The following PDZRN3 variants were observed in gnomAD, a reference collection of about 807,000 sequenced individuals.
The protein encoded by PDZRN3 is E3 ubiquitin-protein ligase PDZRN3.
In PDZRN3, 38 loss-of-function variants were observed where a neutral mutation model predicts 85.7. That is an observed-to-expected ratio of 0.44 (90% CI 0.34 to 0.58). The LOEUF (loss-of-function observed/expected upper bound fraction) is 0.58, where lower values mean the gene tolerates loss of function less well. PDZRN3 is among the 20% of genes least tolerant of loss of function. The probability of loss-of-function intolerance (pLI) is 0.01; values close to 1 mark genes in which losing one functional copy is unlikely to be tolerated. For synonymous variants in PDZRN3, 759 were observed against 638.0 expected, an observed-to-expected ratio of 1.19 and a Z score of -2.86; for missense variants, 1,629 against 1,506.4, an observed-to-expected ratio of 1.08 and a Z score of -1.35.
At chr3:73,550,722 T>C (rs1204490714) in intron 3 of PDZRN3, among the ~76,000 whole-genome samples, 1 of 152,220 alleles carries the variant, frequency 6.6e-6, no homozygotes, top group East Asian at 1.9e-4. Context: ...CCTGGTCTAA[T>C]ATCAGGTTTG....
chr3:73,496,638 A>G (rs1162050496), intron 3 of PDZRN3, among the ~76,000 whole-genome samples: 1 of 152,166 alleles, frequency 6.6e-6, no homozygotes, highest in African/African-American at 2.4e-5. Flanking sequence ...CTTTAATTTC[A>G]TCTAACATCC....
At chr3:73,549,894 T>C (rs889517196) in intron 3 of PDZRN3, among the ~76,000 whole-genome samples, 19 of 152,230 alleles carry the variant, frequency 1.2e-4, no homozygotes, top group African/African-American at 4.6e-4. Context: ...AACAATTCTA[T>C]AGATCCTTGT....
Position 73,384,745 on chromosome 3 carries a change from GGT to G in PDZRN3, c.1819_1820del (p.Thr607LeufsTer61). ...CGCTGCCCAAGGTGTCCTGGCTGCAGGTGAGCTTCCTCTGCCCCGCCAGCGGG... is the reference window on the plus strand; with the variant it reads ...CGCTGCCCAAGGTGTCCTGGCTGCAGGAGCTTCCTCTGCCCCGCCAGCGGG... ...SNPLAGQRKL[T>X]CSQDTLGSGD... On this transcript the variant is annotated frameshift_variant, in exon 10 of 10. Transcript: ENST00000263666. LOFTEE classifies it high-confidence loss of function. The G allele has an allele frequency of 3.1e-6, 5 of 1,614,002 alleles. No homozygotes were observed. Among genetic ancestry groups the G allele is most frequent in the Non-Finnish European group, 4.2e-6 (5 of 1,180,046 alleles).
chr3:73,558,759 G>A (rs778466925), intron 3 of PDZRN3, among the ~76,000 whole-genome samples: 5 of 152,224 alleles, frequency 3.3e-5, no homozygotes, highest in Non-Finnish European at 7.3e-5. Flanking sequence ...ACGAAGAACT[G>A]TAATTAACTA....
intron 3 of PDZRN3, among the ~76,000 whole-genome samples, chr3:73,522,573 GT>G (rs1008236533): frequency 3.9e-5 from 6 of 152,286 alleles, no homozygotes; most frequent in Admixed American, 3.3e-4. Flanking sequence ...AATACAGTGA[GT>G]TTTTACCTCT....
chr3:73,600,521 A>G (rs1204507133), intron 3 of PDZRN3, among the ~76,000 whole-genome samples: 1 of 152,170 alleles, frequency 6.6e-6, no homozygotes, highest in African/African-American at 2.4e-5. Flanking sequence ...AATTATACAT[A>G]TATCGTTTCT....
intron 5 of PDZRN3, among the ~76,000 whole-genome samples, chr3:73,397,090 GTGGCACAATCT>G (rs1701654596): frequency 6.6e-6 from 1 of 150,994 alleles, no homozygotes; most frequent in South Asian, 2.1e-4. Flanking sequence ...CTGGAGTGCG[GTGGCACAATCT>G]TGGCTCAATG....
At chr3:73,556,527 CG>C (rs1340051990) in intron 3 of PDZRN3, among the ~76,000 whole-genome samples, 6 of 152,018 alleles carry the variant, frequency 3.9e-5, no homozygotes, top group African/African-American at 1.4e-4. Context: ...TGAATTTTTA[CG>C]GTGGACTTTA....
chr3:73,500,214 A>G (rs1164885149), intron 3 of PDZRN3, among the ~76,000 whole-genome samples: 2 of 152,040 alleles, frequency 1.3e-5, no homozygotes, highest in African/African-American at 4.8e-5. Flanking sequence ...ACAGCTGGCT[A>G]ATTTTTAAAT....
Position 73,449,072 on chromosome 3 carries a change from G to A in PDZRN3, c.919-44677C>T, listed in dbSNP as rs989786372. Among the ~76,000 whole-genome samples the A allele has an allele frequency of 2.0e-5, 3 of 152,148 alleles. No homozygotes were observed. The East Asian group carries it at 5.8e-4, about 29-fold the overall frequency. On this transcript the variant is annotated intron_variant, in intron 3 of 9. Transcript: ENST00000263666. ...CTGGTCTTTGCAGAGAAAGGGGGAAGAAATCACAGATAATTAAAGCATAAA... is the reference window on the plus strand; with the variant it reads ...CTGGTCTTTGCAGAGAAAGGGGGAAAAAATCACAGATAATTAAAGCATAAA...
chr3:73,430,072 G>C (rs1702400552), intron 3 of PDZRN3, among the ~76,000 whole-genome samples: 1 of 152,178 alleles, frequency 6.6e-6, no homozygotes, highest in African/African-American at 2.4e-5. Flanking sequence ...ATTTATACAA[G>C]AAAAGAATTC....
chr3:73,420,104 A>T (rs1575640441), intron 3 of PDZRN3, among the ~76,000 whole-genome samples: 1 of 152,352 alleles, frequency 6.6e-6, no homozygotes, highest in South Asian at 2.1e-4. Flanking sequence ...TGTAGGACAC[A>T]GATGCACATT....
intron 3 of PDZRN3, among the ~76,000 whole-genome samples, chr3:73,499,188 A>T: frequency 6.6e-6 from 1 of 152,160 alleles, no homozygotes; most frequent in East Asian, 1.9e-4. Context: ...TGTCCCCTTC[A>T]GCAAATGCCA....
intron 3 of PDZRN3, among the ~76,000 whole-genome samples, chr3:73,524,911 T>C (rs1485886942): frequency 6.6e-6 from 1 of 151,578 alleles, no homozygotes; most frequent in Non-Finnish European, 1.5e-5. Context: ...TTCATATACA[T>C]ATGAAAATCA....
chr3:73,481,783 T>C (rs1703566284), intron 3 of PDZRN3, among the ~76,000 whole-genome samples: 1 of 152,132 alleles, frequency 6.6e-6, no homozygotes, highest in African/African-American at 2.4e-5. Context: ...TTAAAGAGTG[T>C]AATTTTAAAA....
chr3:73,399,757 T>C (rs1162429464), intron 5 of PDZRN3, among the ~76,000 whole-genome samples: 1 of 152,176 alleles, frequency 6.6e-6, no homozygotes, highest in African/African-American at 2.4e-5. Context: ...TACTGGCCAT[T>C]GCTGTTTAGA....
chr3:73,498,115 A>G (rs1319861327), intron 3 of PDZRN3, among the ~76,000 whole-genome samples: 1 of 152,202 alleles, frequency 6.6e-6, no homozygotes. Flanking sequence ...ATGTAGAGAT[A>G]CAAAAATCAT....
intron 3 of PDZRN3, among the ~76,000 whole-genome samples, chr3:73,452,160 G>C (rs1056615728): frequency 2.0e-5 from 3 of 152,112 alleles, no homozygotes; most frequent in African/African-American, 7.2e-5. Context: ...ATGACCTCCT[G>C]GCTACAGACT....
At chr3:73,511,347 C>G (rs1331940836) in intron 3 of PDZRN3, among the ~76,000 whole-genome samples, 1 of 152,146 alleles carries the variant, frequency 6.6e-6, no homozygotes, top group African/African-American at 2.4e-5. Flanking sequence ...GTTGTCCATG[C>G]TAGAAAAAAG....
Sources: gnomAD v4.1 joint callset for allele counts (sites outside exome capture counted in the v4.1 genomes callset) on GRCh38, gnomAD v4.1.1 for gene constraint, MANE v1.5 for transcripts, NCBI Gene and HGNC (gene_info 2026-07-23, HGNC 2026-07-21) for gene names.